The following SHTN1 variants were observed in gnomAD, a reference collection of about 807,000 sequenced individuals.
SHTN1 encodes shootin-1.
SHTN1 carries 42 observed loss-of-function variants against 83.1 expected under a neutral mutation model. That is an observed-to-expected ratio of 0.51 (90% confidence interval 0.39 to 0.65). The LOEUF is 0.65. Ranked by LOEUF, SHTN1 falls within the 30% of genes least tolerant of loss-of-function variation. SHTN1 has a pLI of 0.00. For synonymous variants in SHTN1, 224 were observed against 247.7 expected, an observed-to-expected ratio of 0.90 and a Z score of 0.90; for missense variants, 622 against 737.8, an observed-to-expected ratio of 0.84 and a Z score of 1.82.
chr10:116,980,554 A>T (rs1243394552), intron 1 of SHTN1, among the ~76,000 whole-genome samples: 1 of 151,986 alleles, frequency 6.6e-6, no homozygotes, highest in East Asian at 1.9e-4. Flanking sequence ...TACCAAAAAA[A>T]AAAAACCCTC....
chr10:116,987,796 T>A lies in SHTN1; in HGVS notation c.59-8488A>T, dbSNP rs143787966. Among the ~76,000 whole-genome samples the A allele has an allele frequency of 5.4e-3, 822 of 152,020 alleles. 7 individuals carry two copies. Among genetic ancestry groups the A allele is most frequent in the African/African-American group, 0.019 (788 of 41,458 alleles). Reference sequence around the variant, plus strand: ...CAGGAGTGGGGGCATGTGCCTGTAGTCCCAGCTACCAGGGAGGCTGAGGCA... The same window carrying A: ...CAGGAGTGGGGGCATGTGCCTGTAGACCCAGCTACCAGGGAGGCTGAGGCA... On this transcript the variant is annotated intron_variant, in intron 1 of 16. Transcript: ENST00000355371.
At chr10:117,014,313 C>G (rs970258042) in intron 2 of SHTN1, among the ~76,000 whole-genome samples, 7 of 151,936 alleles carry the variant, frequency 4.6e-5, no homozygotes, top group Non-Finnish European at 4.4e-5. Flanking sequence ...ACAAGTCAGC[C>G]AAGATAGGGA....
chr10:117,047,807 G>T (rs1425081353), intron 2 of SHTN1, among the ~76,000 whole-genome samples: 1 of 149,692 alleles, frequency 6.7e-6, no homozygotes, highest in Non-Finnish European at 1.5e-5. Context: ...AGTAGAGATG[G>T]GGTTTCACCA....
intron 11 of SHTN1, among the ~76,000 whole-genome samples, chr10:116,926,831 GTCT>G (rs1848760733): frequency 6.6e-6 from 1 of 152,148 alleles, no homozygotes; most frequent in Non-Finnish European, 1.5e-5. Context: ...CAAGGAGGTT[GTCT>G]TATGTAATTC....
At chr10:117,018,715 A>G (rs948281914) in intron 2 of SHTN1, among the ~76,000 whole-genome samples, 1 of 151,622 alleles carries the variant, frequency 6.6e-6, no homozygotes, top group African/African-American at 2.4e-5. Context: ...GGGATTACAG[A>G]TGCTCGCCAC....
At chr10:116,888,094 A>C (rs911028016) in intron 16 of SHTN1, among the ~76,000 whole-genome samples, 40 of 152,228 alleles carry the variant, frequency 2.6e-4, no homozygotes, top group African/African-American at 9.2e-4. Flanking sequence ...CCTAAGTGAC[A>C]AACACTATGT....
At chr10:116,958,821 A>G (rs1850076276) in intron 4 of SHTN1, among the ~76,000 whole-genome samples, 1 of 152,240 alleles carries the variant, frequency 6.6e-6, no homozygotes, top group African/African-American at 2.4e-5. Flanking sequence ...GAACAAAATT[A>G]ACTTGTCCAA....
In SHTN1 at chr10:116,886,511, C is replaced by T. The variant is rs779225990; in HGVS notation, c.1729G>A (p.Glu577Lys). Residue 577 changes from glutamate (E) to lysine (K), a missense_variant, in exon 17 of 17, where the codon GAA (glutamate) becomes AAA (lysine). Around this residue, in one of 3 missense-constraint regions of SHTN1, gnomAD observed 231 missense variants for 251.6 expected, o/e 0.92. Transcript: ENST00000355371. ...KKYIDGEKQA[E>K]PVVVLDPVST... ...ACAGGATCTAAAACTACAACTGGTT[C>T]GGCTTGTTTTTCACCGTCAATGTAT... is the stretch of plus-strand genomic sequence containing the variant. The T allele has an allele frequency of 5.0e-6, 8 of 1,613,954 alleles. No homozygotes were observed. Among genetic ancestry groups the T allele is most frequent in the South Asian group, 1.1e-5 (1 of 91,066 alleles).
chr10:116,961,356 C>G (rs1227542289), intron 3 of SHTN1, among the ~76,000 whole-genome samples: 3 of 152,112 alleles, frequency 2.0e-5, no homozygotes, highest in African/African-American at 7.2e-5. Context: ...TAAAGCAGCA[C>G]TAAATGGCCA....
intron 1 of SHTN1, among the ~76,000 whole-genome samples, chr10:117,067,842 G>A (rs1853024759): frequency 6.6e-6 from 1 of 152,160 alleles, no homozygotes; most frequent in Non-Finnish European, 1.5e-5. Context: ...TATGGGAAGT[G>A]GGTGAGATGG....
At chr10:116,948,552 T>C (rs537648190) in intron 7 of SHTN1, among the ~76,000 whole-genome samples, 8 of 152,316 alleles carry the variant, frequency 5.3e-5, no homozygotes, top group Non-Finnish European at 1.0e-4. Context: ...ATGTTTTATG[T>C]AGACAGCCTA....
intron 2 of SHTN1, among the ~76,000 whole-genome samples, chr10:117,023,457 A>C (rs1277860017): frequency 6.6e-6 from 1 of 152,244 alleles, no homozygotes; most frequent in Non-Finnish European, 1.5e-5. Context: ...GTGCAATAAA[A>C]GAAGTACTTT....
chr10:116,953,306 G>A lies in SHTN1; in HGVS notation c.436+736C>T, dbSNP rs552815438. On this transcript the variant is annotated intron_variant, in intron 5 of 16. Coordinates refer to ENST00000355371, the MANE Select transcript of SHTN1 (RefSeq NM_001127211.3). ...TTGTTAACCAACAAAAAGGGGTGTC[G>A]CTAAATATATTTTTATTCATTGTTT... Among the ~76,000 whole-genome samples, 116 of 152,172 alleles carry A rather than the reference G, an allele frequency of 7.6e-4. 2 individuals carry two copies. The South Asian group carries it at 0.022, about 29-fold the overall frequency.
At chr10:116,961,695 T>C (rs1293143603) in intron 3 of SHTN1, among the ~76,000 whole-genome samples, 1 of 152,186 alleles carries the variant, frequency 6.6e-6, no homozygotes, top group African/African-American at 2.4e-5. Flanking sequence ...TAAGCGTAAT[T>C]ACTGGTAGAC....
chr10:116,985,351 G>A (rs1056645010), intron 1 of SHTN1, among the ~76,000 whole-genome samples: 1 of 152,280 alleles, frequency 6.6e-6, no homozygotes, highest in Admixed American at 6.5e-5. Flanking sequence ...GAATGGTAGT[G>A]GAAGCACCAA....
intron 16 of SHTN1, among the ~76,000 whole-genome samples, chr10:116,891,756 C>T (rs1295179153): frequency 6.6e-6 from 1 of 151,998 alleles, no homozygotes; most frequent in Non-Finnish European, 1.5e-5. Context: ...TTTTAATACA[C>T]TTGTCCAAAA....
At position 116,927,969 on chromosome 10, in the gene SHTN1, T is replaced by C. The variant is rs557927251; in HGVS notation, c.1013-78A>G. 1.8e-5 allele frequency: 27 copies of C among 1,504,776 alleles called. No individual in the cohort carries two copies. The South Asian group carries it at 2.1e-4, about 11-fold the overall frequency. 93.2% of individuals were successfully genotyped at this position (1,504,776 alleles called of 1,614,324 possible). A position where few individuals can be genotyped will look rare whatever the true frequency, so the allele number is the denominator to read the frequency against. On this transcript the variant is annotated intron_variant, in intron 10 of 16. Coordinates refer to ENST00000355371, the MANE Select transcript of SHTN1 (RefSeq NM_001127211.3). ...GTTTATACATGTGAAAAAAAGAACA[T>C]AACCTTTCTCAAAAGTAAGTTCTTT...
intron 1 of SHTN1, among the ~76,000 whole-genome samples, chr10:117,061,210 G>A (rs992400480): frequency 1.4e-5 from 2 of 146,650 alleles, no homozygotes; most frequent in African/African-American, 5.1e-5. Context: ...GCAGTGGCAC[G>A]ATCCTGGCTC....
At chr10:117,017,522 AG>A (rs1213382072) in intron 2 of SHTN1, among the ~76,000 whole-genome samples, 1 of 151,902 alleles carries the variant, frequency 6.6e-6, no homozygotes, top group Non-Finnish European at 1.5e-5. Context: ...ATAAAATAAC[AG>A]TAGTATTACA....
Sources: allele counts gnomAD v4.1 joint callset (sites outside exome capture counted in the v4.1 genomes callset), GRCh38; gene constraint gnomAD v4.1.1; regional missense constraint gnomAD v4.1.1; transcripts MANE v1.5; gene names NCBI Gene and HGNC (gene_info 2026-07-23, HGNC 2026-07-21).